Variants in GRIK4 observed in about 807,000 individuals in gnomAD.
GRIK4 encodes the protein glutamate ionotropic receptor kainate type subunit 4, also known as glutamate receptor ionotropic, kainate 4.
Under a neutral mutation model 104.9 loss-of-function variants are expected in GRIK4, and 40 were observed. The ratio of observed to expected loss-of-function variants is 0.38; its 90% CI spans 0.30 to 0.50. The LOEUF is 0.50. Among genes scored for constraint, GRIK4 ranks in the 20% least tolerant of loss-of-function variants. The pLI, the probability that GRIK4 is intolerant of heterozygous loss-of-function variation, is 0.93. For synonymous variants in GRIK4, 485 were observed against 524.9 expected (o/e 0.92, Z 1.04); for missense variants, 1,047 against 1,308.1 (o/e 0.80, Z 3.08).
chr11:120,657,432 A>G (rs1591775187), intron 2 of GRIK4, among the ~76,000 whole-genome samples: 1 of 151,946 alleles, frequency 6.6e-6, no homozygotes, highest in East Asian at 1.9e-4. Flanking sequence ...CCCATCCTTT[A>G]CTCTTTATCT....
intron 19 of GRIK4, among the ~76,000 whole-genome samples, chr11:120,975,893 T>C (rs1488685934): frequency 1.3e-5 from 2 of 152,168 alleles, no homozygotes; most frequent in Admixed American, 6.5e-5. Flanking sequence ...CCTCTGCACC[T>C]TGGTTTCTGT....
At chr11:120,642,101 A>G (rs1949478086) in intron 1 of GRIK4, among the ~76,000 whole-genome samples, 2 of 152,200 alleles carry the variant, frequency 1.3e-5, no homozygotes, top group Admixed American at 6.5e-5. Context: ...TTCCCAACAC[A>G]CATTATCTGT....
At chr11:120,936,207 C>A in intron 13 of GRIK4, 1 of 367,934 alleles carries the variant, frequency 2.7e-6, no homozygotes, top group South Asian at 2.2e-5. Flanking sequence ...CATTTTTCCT[C>A]CAGCTTCACA....
intron 1 of GRIK4, among the ~76,000 whole-genome samples, chr11:120,572,423 G>A (rs1948413053): frequency 6.6e-6 from 1 of 152,166 alleles, no homozygotes; most frequent in Admixed American, 6.5e-5. Context: ...AAGATCAGGT[G>A]GGAACTCACC....
chr11:120,541,750 A>G (rs1948038908), intron 1 of GRIK4, among the ~76,000 whole-genome samples: 1 of 152,102 alleles, frequency 6.6e-6, no homozygotes. Flanking sequence ...TGATTTCCCA[A>G]AGTGTTGAGA....
intron 1 of GRIK4, among the ~76,000 whole-genome samples, chr11:120,541,824 T>G (rs1948039739): frequency 6.6e-6 from 1 of 152,154 alleles, no homozygotes; most frequent in South Asian, 2.1e-4. Context: ...CGGAAAGGTA[T>G]CCTATATTTT....
intron 8 of GRIK4, among the ~76,000 whole-genome samples, chr11:120,860,675 A>G (rs1185440437): frequency 3.3e-5 from 5 of 152,182 alleles, no homozygotes; most frequent in African/African-American, 9.7e-5. Flanking sequence ...TCTCTCATCC[A>G]TATCCTCCAT....
chr11:120,532,078 C>T (rs1459815257), intron 1 of GRIK4, among the ~76,000 whole-genome samples: 3 of 152,160 alleles, frequency 2.0e-5, no homozygotes, highest in East Asian at 1.9e-4. Context: ...GGCAGGTGCA[C>T]GATTGAACAC....
chr11:120,649,322 GGGC>G (rs1456940913), intron 1 of GRIK4, among the ~76,000 whole-genome samples: 1 of 152,062 alleles, frequency 6.6e-6, no homozygotes, highest in Non-Finnish European at 1.5e-5. Context: ...AAAAAAGATA[GGGC>G]CTACTTTCTG....
intron 3 of GRIK4, among the ~76,000 whole-genome samples, chr11:120,684,899 C>T (rs1259969490): frequency 2.0e-5 from 3 of 152,120 alleles, no homozygotes; most frequent in Admixed American, 1.3e-4. Context: ...TTAGTAGAGA[C>T]GGGGTTTCAC....
chr11:120,785,903 T>G (rs1952260041), intron 3 of GRIK4, among the ~76,000 whole-genome samples: 1 of 152,210 alleles, frequency 6.6e-6, no homozygotes, highest in South Asian at 2.1e-4. Context: ...TCAGCGGGGT[T>G]GCCAAGCCCA....
chr11:120,844,718 A>G (rs1953809000), intron 8 of GRIK4, among the ~76,000 whole-genome samples: 2 of 152,104 alleles, frequency 1.3e-5, no homozygotes. Flanking sequence ...CAACTACTCC[A>G]TCTGGAATAC....
chr11:120,572,708 C>T (rs1456896773), intron 1 of GRIK4, among the ~76,000 whole-genome samples: 1 of 152,208 alleles, frequency 6.6e-6, no homozygotes, highest in Non-Finnish European at 1.5e-5. Context: ...TGATAATTCC[C>T]AAGCCCTGCT....
At chr11:120,515,652 C>T (rs946718983) in intron 1 of GRIK4, among the ~76,000 whole-genome samples, 1 of 152,238 alleles carries the variant, frequency 6.6e-6, no homozygotes, top group Non-Finnish European at 1.5e-5. Context: ...TTCACATTCT[C>T]TGACTCCCAG....
chr11:120,788,753 A>G (rs1014449359), intron 3 of GRIK4, among the ~76,000 whole-genome samples: 2 of 151,560 alleles, frequency 1.3e-5, no homozygotes, highest in African/African-American at 4.9e-5. Context: ...TCTTATCTTA[A>G]TTTAAACACC....
chr11:120,827,105 C>T (rs1165074949), intron 6 of GRIK4, among the ~76,000 whole-genome samples: 2 of 152,174 alleles, frequency 1.3e-5, no homozygotes, highest in Non-Finnish European at 2.9e-5. Context: ...AGGACCAAGG[C>T]ACTACTCCAG....
rs967457129 is a variant in GRIK4 at position 120,902,259 on chromosome 11, G to A, written c.1273-3031G>A. Among the ~76,000 whole-genome samples, 4 of 152,120 alleles carry A rather than the reference G, an allele frequency of 2.6e-5. No individual in the cohort carries two copies. The highest frequency in any genetic ancestry group is 9.7e-5 in the African/African-American group (4 of 41,412). On this transcript the variant is annotated intron_variant, in intron 12 of 20. Transcript: ENST00000527524. This position sits in a 1 kb window ranked among gnomAD's most constrained non-coding sequence, Gnocchi z 4.5. ...TTTTCTGTATCAGACCCCGTGTTCA[G>A]CGGTTTGCCACATTCTCACCTCGCG...
At chr11:120,556,644 G>C (rs754903615) in intron 1 of GRIK4, among the ~76,000 whole-genome samples, 1 of 152,020 alleles carries the variant, frequency 6.6e-6, no homozygotes, top group Non-Finnish European at 1.5e-5. Flanking sequence ...CAACTTACTG[G>C]GTAACACCTG....
At chr11:120,947,607 G>A (rs117870674) in intron 14 of GRIK4, among the ~76,000 whole-genome samples, 1 of 152,242 alleles carries the variant, frequency 6.6e-6, no homozygotes, top group Non-Finnish European at 1.5e-5. Flanking sequence ...AATGAATAGA[G>A]TTCTGTTCCT....
Sources: gnomAD v4.1 joint callset for allele counts (sites outside exome capture counted in the v4.1 genomes callset) on GRCh38, gnomAD v4.1.1 for gene constraint, Gnocchi (gnomAD v3.1) non-coding constraint, MANE v1.5 for transcripts, NCBI Gene and HGNC (gene_info 2026-07-23, HGNC 2026-07-21) for gene names.